CCNY: variants seen among roughly 807,000 people sequenced by gnomAD.
CCNY encodes the protein cyclin Y.
A neutral mutation model predicts 42.8 loss-of-function variants in CCNY; 19 were observed. The observed-to-expected ratio is 0.44, with a 90% CI of 0.31 to 0.65. The LOEUF (loss-of-function observed/expected upper bound fraction) is 0.65. CCNY is among the 30% of genes least tolerant of loss of function. The probability of loss-of-function intolerance (pLI) is 0.07; values close to 1 mark genes in which losing one functional copy is unlikely to be tolerated. For synonymous variants in CCNY, 165 were observed against 162.7 expected (o/e 1.01, Z -0.11); for missense variants, 370 against 437.3 (o/e 0.85, Z 1.37).
At chr10:35,500,255 C>G (rs1024373828) in intron 2 of CCNY, among the ~76,000 whole-genome samples, 2 of 152,252 alleles carry the variant, frequency 1.3e-5, no homozygotes, top group African/African-American at 4.8e-5. Context: ...TTTTAAAGTA[C>G]TCAACAGTAT....
chr10:35,514,276 A>G (rs1287080527), intron 3 of CCNY, among the ~76,000 whole-genome samples: 1 of 152,168 alleles, frequency 6.6e-6, no homozygotes, highest in African/African-American at 2.4e-5. Flanking sequence ...CTCTGAAACT[A>G]AAATCTTTAT....
intron 3 of CCNY, among the ~76,000 whole-genome samples, chr10:35,267,477 G>A (rs1246771002): frequency 6.6e-6 from 1 of 152,170 alleles, no homozygotes; most frequent in African/African-American, 2.4e-5. Flanking sequence ...AGGCTAAAGA[G>A]CCCAGCGTGG....
At chr10:35,326,006 T>C (rs1394382696) in intron 3 of CCNY, among the ~76,000 whole-genome samples, 1 of 151,904 alleles carries the variant, frequency 6.6e-6, no homozygotes, top group East Asian at 1.9e-4. Context: ...AGCCCAGGAG[T>C]TCAAGGCTGC....
In CCNY at chr10:35,403,719, T is replaced by A. The variant is rs117102121; in HGVS notation, c.154+66512T>A. Among the ~76,000 whole-genome samples, 1,828 of 152,276 alleles carry A rather than the reference T, an allele frequency of 0.012. 46 individuals carry two copies. The East Asian group carries it at 0.12, about 10-fold the overall frequency. On this transcript the variant is annotated intron_variant, in intron 1 of 9. Coordinates refer to ENST00000374704, the MANE Select transcript of CCNY (RefSeq NM_145012.6). ...AGTCAATATAAATATTGACACGTGG[T>A]CTCTTTGCAAGAGTGAGGGCTTGAA...
intron 9 of CCNY, among the ~76,000 whole-genome samples, chr10:35,566,633 G>A (rs545232244): frequency 6.6e-6 from 1 of 151,474 alleles, no homozygotes; most frequent in Admixed American, 6.6e-5. Context: ...GTGAGCCGCT[G>A]TGCCTGGCCA....
intron 1 of CCNY, among the ~76,000 whole-genome samples, chr10:35,356,682 C>T (rs12768046): frequency 1.6e-4 from 24 of 152,212 alleles, no homozygotes; most frequent in Middle Eastern, 3.4e-3. Context: ...CATTGAGAAC[C>T]TAATAGGGAA....
chr10:35,378,240 G>T (rs1412732704), intron 1 of CCNY, among the ~76,000 whole-genome samples: 2 of 152,136 alleles, frequency 1.3e-5, no homozygotes, highest in South Asian at 2.1e-4. Flanking sequence ...TCATTATTCT[G>T]TCTAAAATCA....
intron 3 of CCNY, among the ~76,000 whole-genome samples, chr10:35,258,390 A>C (rs1370912703): frequency 6.6e-6 from 1 of 152,150 alleles, no homozygotes; most frequent in Non-Finnish European, 1.5e-5. Flanking sequence ...GCTTTTGACT[A>C]TCCCAGACTT....
At chr10:35,551,923 T>C (rs1841266797) in intron 7 of CCNY, among the ~76,000 whole-genome samples, 1 of 152,212 alleles carries the variant, frequency 6.6e-6, no homozygotes, top group African/African-American at 2.4e-5. Context: ...TGTGCATTGC[T>C]GAAATGTGAA....
chr10:35,323,613 C>G (rs1037048480), intron 3 of CCNY, among the ~76,000 whole-genome samples: 1 of 152,190 alleles, frequency 6.6e-6, no homozygotes, highest in African/African-American at 2.4e-5. Flanking sequence ...GAAAACAGAT[C>G]AGGGCTTGCC....
chr10:35,408,094 A>C (rs1837821031), intron 1 of CCNY, among the ~76,000 whole-genome samples: 1 of 152,138 alleles, frequency 6.6e-6, no homozygotes, highest in Non-Finnish European at 1.5e-5. Flanking sequence ...TAAAAGGAGA[A>C]AGAGGTTGAG....
chr10:35,548,051 G>T (rs1323218951), intron 7 of CCNY, among the ~76,000 whole-genome samples: 2 of 151,986 alleles, frequency 1.3e-5, no homozygotes. Flanking sequence ...ACAACTCCAG[G>T]GTTAGAGGCA....
In CCNY at chr10:35,559,987, A is replaced by T. The variant is rs182514704; in HGVS notation, c.747-6036A>T. The stretch of plus-strand genomic sequence containing the variant: ...GGACACTGTGACCTCTTTCTTTCTG[A>T]GTTTTCTTTCTTTTGGAAGGAAAGG... On this transcript the variant is annotated intron_variant, in intron 8 of 9. Transcript: ENST00000374704. 4.9e-3 allele frequency among the ~76,000 whole-genome samples: 745 copies of T among 151,786 alleles called. 2 individuals carry two copies. The highest frequency in any genetic ancestry group is 8.8e-3 in the Non-Finnish European group (600 of 67,988).
At chr10:35,538,828 C>T (rs1011038542) in intron 7 of CCNY, among the ~76,000 whole-genome samples, 3 of 152,128 alleles carry the variant, frequency 2.0e-5, no homozygotes, top group Admixed American at 6.6e-5. Flanking sequence ...TTTCTTTTGT[C>T]ACTTGTGCTT....
Position 35,348,002 on chromosome 10 carries a change from C to G in CCNY, c.154+10795C>G, listed in dbSNP as rs532464339. On this transcript the variant is annotated intron_variant, in intron 1 of 9. Coordinates refer to ENST00000374704, the MANE Select transcript of CCNY (RefSeq NM_145012.6). ...AGACGCACATATTTATCAAGGATTCCTTTCATTTACAGTGAGTGTTAACTT... is the reference window on the plus strand; with the variant it reads ...AGACGCACATATTTATCAAGGATTCGTTTCATTTACAGTGAGTGTTAACTT... Among the ~76,000 whole-genome samples the G allele has an allele frequency of 2.1e-3, 320 of 152,292 alleles. 2 individuals are homozygous for G. The highest frequency in any genetic ancestry group is 7.4e-3 in the African/African-American group (306 of 41,564).
At chr10:35,315,183 G>A (rs1326283502) in intron 3 of CCNY, 1 of 152,130 alleles carries the variant, frequency 6.6e-6, no homozygotes, top group Non-Finnish European at 1.5e-5. Flanking sequence ...TGAGGGTTGG[G>A]TGTACAGATT....
intron 3 of CCNY, among the ~76,000 whole-genome samples, chr10:35,310,687 TTG>T (rs1236482850): frequency 2.0e-5 from 3 of 152,240 alleles, no homozygotes; most frequent in African/African-American, 7.2e-5. Flanking sequence ...TGTTGGTCAT[TTG>T]TGTGTCTTCT....
chr10:35,299,698 C>T (rs1835510669), intron 3 of CCNY, among the ~76,000 whole-genome samples: 2 of 152,152 alleles, frequency 1.3e-5, no homozygotes, highest in Admixed American at 1.3e-4. Flanking sequence ...TACTTTATTA[C>T]CCAATTGGAT....
chr10:35,427,947 C>G (rs940134261), intron 1 of CCNY, among the ~76,000 whole-genome samples: 1 of 152,086 alleles, frequency 6.6e-6, no homozygotes, highest in Non-Finnish European at 1.5e-5. Context: ...ACATCCAACT[C>G]CTCCCCTTCC....
Sources: gnomAD v4.1 joint callset for allele counts (sites outside exome capture counted in the v4.1 genomes callset) on GRCh38, gnomAD v4.1.1 for gene constraint, MANE v1.5 for transcripts, NCBI Gene and HGNC (gene_info 2026-07-23, HGNC 2026-07-21) for gene names.